The following SFRP4 variants were observed in gnomAD, a reference collection of about 807,000 sequenced individuals.
The protein encoded by SFRP4 is secreted frizzled-related protein 4.
SFRP4 carries 25 observed loss-of-function variants against 36.3 expected under a neutral mutation model. The ratio of observed to expected loss-of-function variants is 0.69; its 90% confidence interval spans 0.50 to 0.96. SFRP4 has a LOEUF of 0.96. SFRP4 is among the 40% of genes least tolerant of loss of function. The probability of loss-of-function intolerance (pLI) is 0.00; values close to 1 mark genes in which losing one functional copy is unlikely to be tolerated. For synonymous variants in SFRP4, 182 were observed against 168.8 expected (o/e 1.08, Z -0.60); for missense variants, 487 against 459.6 (o/e 1.06, Z -0.54).
Position 37,907,597 on chromosome 7 carries a change from G to A in SFRP4, c.923C>T (p.Thr308Ile). Residue 308 changes from threonine (T) to isoleucine (I), a missense_variant, in exon 6 of 6, where the codon ACC becomes ATC. By Grantham distance (89) the Thr-to-Ile change is moderately conservative. Coordinates refer to ENST00000436072, the MANE Select transcript of SFRP4 (RefSeq NM_003014.4). Reference protein sequence around the residue: ...VQDKKKTAGRTSRSNPPKPKG... With the variant: ...VQDKKKTAGRISRSNPPKPKG... ...TGGTTTGGGGGGATTACTACGACTG[G>A]TGCGCCCGGCTGTTTTCTTCTTGTC... 6.2e-7 allele frequency: 1 copy of A among 1,613,762 alleles called. No homozygotes were observed. Among genetic ancestry groups the A allele is most frequent in the Non-Finnish European group, 8.5e-7 (1 of 1,179,838 alleles).
intron 4 of SFRP4, 85 bp from the exon 5 acceptor site, chr7:37,909,765 T>C: frequency 2.6e-6 from 2 of 757,192 alleles, no homozygotes; most frequent in Non-Finnish European, 4.4e-6. Flanking sequence ...AATTATTCAA[T>C]AATCCTTTAC....
Position 37,912,177 on chromosome 7 carries a change from A to G in SFRP4, c.733T>C (p.Cys245Arg), listed in dbSNP as rs745353091. 2 of 1,614,218 alleles carry G rather than the reference A, an allele frequency of 1.2e-6. No homozygotes were observed. Among genetic ancestry groups the G allele is most frequent in the Non-Finnish European group, 8.5e-7 (1 of 1,180,024 alleles). The change falls in exon 4 of 6, where the codon TGT becomes CGT. Residue 245 changes from cysteine to arginine, a missense_variant. Coordinates refer to ENST00000436072, the MANE Select transcript of SFRP4 (RefSeq NM_003014.4). ...TCTTGATGGGGCAGGATGTGTGGAC[A>G]CTGGCAAGAAGAATTTGTAATGAGC... ...VPLITNSSCQ[C>R]PHILPHQDVL...
intron 4 of SFRP4, among the ~76,000 whole-genome samples, chr7:37,910,171 A>C (rs1785461331): frequency 6.6e-6 from 1 of 152,028 alleles, no homozygotes; most frequent in Non-Finnish European, 1.5e-5. Flanking sequence ...AAAGATTTTC[A>C]ATGCATAGTG....
rs1381417670 is a variant in SFRP4 at position 37,907,121 on chromosome 7, T to C, written c.*358A>G. The C allele has an allele frequency of 1.2e-5, 2 of 166,182 alleles. No homozygotes were observed. Among genetic ancestry groups the C allele is most frequent in the Non-Finnish European group, 2.6e-5 (2 of 77,866 alleles). 10.3% of individuals were successfully genotyped at this position (166,182 alleles called of 1,614,324 possible). On this transcript the variant is annotated 3_prime_UTR_variant, in exon 6 of 6. Transcript: ENST00000436072. ...ACTGTAAAAAAATTACGTGTTTTGT[T>C]TGAAATATGGCATTTATTTTACAAT... is the stretch of plus-strand genomic sequence containing the variant.
intron 4 of SFRP4, among the ~76,000 whole-genome samples, chr7:37,911,233 G>A (rs1270007375): frequency 6.6e-6 from 1 of 152,280 alleles, no homozygotes; most frequent in South Asian, 2.1e-4. Flanking sequence ...TGTAAGGAGG[G>A]CACCCAAGTA....
At chr7:37,910,567 G>A (rs1785471923) in intron 4 of SFRP4, among the ~76,000 whole-genome samples, 2 of 151,322 alleles carry the variant, frequency 1.3e-5, no homozygotes, top group South Asian at 4.2e-4. Flanking sequence ...TTACTTTTAT[G>A]TTTACAAATT....
rs1032419220 is a variant in SFRP4 at position 37,914,402 on chromosome 7, A to C, written c.497T>G (p.Leu166Arg). The change falls in exon 2 of 6, where the codon CTT becomes CGT. Residue 166 changes from leucine (L) to arginine (R), a missense_variant. Transcript: ENST00000436072. ...TPDMMVQERP[L>R]DVDCKRLSPD... ...GCTTAGGCGTTTACAGTCAACATCAAGAGGCCTTTCCTGTACCATCATGTC... is the reference window on the plus strand; with the variant it reads ...GCTTAGGCGTTTACAGTCAACATCACGAGGCCTTTCCTGTACCATCATGTC... The C allele has an allele frequency of 6.2e-7, 1 of 1,614,088 alleles. No individual in the cohort carries two copies. Among genetic ancestry groups the C allele is most frequent in the Non-Finnish European group, 8.5e-7 (1 of 1,179,908 alleles).
chr7:37,907,222 G>A lies in SFRP4; in HGVS notation c.*257C>T, dbSNP rs748917620. ...AGTATGCACACAGGTTACTCTGAAT[G>A]CAATGCAATAAGCCTTTTCCACCAG... On this transcript the variant is annotated 3_prime_UTR_variant, in exon 6 of 6. Transcript: ENST00000436072. 1.1e-5 allele frequency: 4 copies of A among 366,040 alleles called. No homozygotes were observed. Among genetic ancestry groups the A allele is most frequent in the Non-Finnish European group, 2.0e-5 (4 of 204,598 alleles). 22.7% of individuals were successfully genotyped at this position (366,040 alleles called of 1,614,324 possible).
chr7:37,907,688 A>G, intron 5 of SFRP4, 24 bp from the exon 6 acceptor site: 1 of 1,571,640 alleles, frequency 6.4e-7, no homozygotes, highest in Non-Finnish European at 8.7e-7. Flanking sequence ...TGTAAACATG[A>G]CTGTCAAATT....
rs1390990336 is a variant in SFRP4 at position 37,916,764 on chromosome 7, C to A, written c.-227G>T. The A allele has an allele frequency of 6.2e-6, 4 of 648,416 alleles. No individual in the cohort carries two copies. Among genetic ancestry groups the A allele is most frequent in the Non-Finnish European group, 1.0e-5 (4 of 384,064 alleles). The allele number at this position is 648,416 out of a possible 1,614,324, so 40.2% of individuals were successfully genotyped here. ...CAGCGCCAGCTCTCAGCCTTCGGGG[C>A]GCGAACCCGCCCGGGCAGCTCCAGT... On this transcript the variant is annotated 5_prime_UTR_variant, in exon 1 of 6. Transcript: ENST00000436072. This position sits in a 1 kb window ranked among gnomAD's most constrained non-coding sequence, Gnocchi z 4.1.
At position 37,916,030 on chromosome 7, in the gene SFRP4, C is replaced by T; in HGVS notation, c.445+63G>A. The stretch of plus-strand genomic sequence containing the variant: ...CAGCCTTAGGTGTGGCCGCCCAGTT[C>T]TCGATTGGCAGCCACAGCCCCGGGC... On this transcript the variant is annotated intron_variant, in intron 1 of 5. Transcript: ENST00000436072. The surrounding 1 kb of genome is among the most constrained non-coding windows in gnomAD (Gnocchi z 4.1). The T allele has an allele frequency of 3.2e-6, 5 of 1,552,790 alleles. No individual in the cohort carries two copies. The highest frequency in any genetic ancestry group is 4.4e-6 in the Non-Finnish European group (5 of 1,147,710).
chr7:37,909,306 C>T (rs893350933), intron 5 of SFRP4, among the ~76,000 whole-genome samples: 2 of 152,044 alleles, frequency 1.3e-5, no homozygotes, highest in African/African-American at 2.4e-5. Context: ...TAAGTCTGCT[C>T]AAGTATCTCA....
In SFRP4 at chr7:37,914,446, C is replaced by T; in HGVS notation, c.453G>A (p.Lys151=). ...AIVTDLPEDV[K]WIDITPDMMV... is the part of the protein sequence containing the mutation. ...TCATGTCTGGTGTGATGTCTATCCA[C>T]TTAACATCTGAAACACAAACAGGGC... The change falls in exon 2 of 6, where the codon AAG becomes AAA. Residue 151 remains lysine, a synonymous_variant. Coordinates refer to ENST00000436072, the MANE Select transcript of SFRP4 (RefSeq NM_003014.4). 1.2e-6 allele frequency: 2 copies of T among 1,613,586 alleles called. No homozygotes were observed. The highest frequency in any genetic ancestry group is 1.7e-6 in the Non-Finnish European group (2 of 1,179,440).
At position 37,916,141 on chromosome 7, in the gene SFRP4, G is replaced by C. The variant is rs1480119945; in HGVS notation, c.397C>G (p.Arg133Gly). The change falls in exon 1 of 6, where the codon CGT (arginine) becomes GGT (glycine). Residue 133 changes from arginine to glycine, a missense_variant. Coordinates refer to ENST00000436072, the MANE Select transcript of SFRP4 (RefSeq NM_003014.4). This position sits in a 1 kb window ranked among gnomAD's most constrained non-coding sequence, Gnocchi z 4.1. ...GCTTCAGGCGAGATGCACACGCCACGGTCATAGACAGGCAGCTCGTCGCAG... is the reference window on the plus strand; with the variant it reads ...GCTTCAGGCGAGATGCACACGCCACCGTCATAGACAGGCAGCTCGTCGCAG... Reference protein sequence around the residue: ...LACDELPVYDRGVCISPEAIV... With the variant: ...LACDELPVYDGGVCISPEAIV... 8 of 1,613,952 alleles carry C rather than the reference G, an allele frequency of 5.0e-6. No homozygotes were observed. Among genetic ancestry groups the C allele is most frequent in the African/African-American group, 1.3e-5 (1 of 74,912 alleles).
intron 5 of SFRP4, among the ~76,000 whole-genome samples, chr7:37,908,016 C>T (rs1489504196): frequency 6.6e-6 from 1 of 152,180 alleles, no homozygotes; most frequent in South Asian, 2.1e-4. Flanking sequence ...GAGGCCCTCA[C>T]CCATGCACTT....
At position 37,916,044 on chromosome 7, in the gene SFRP4, A is replaced by G. The variant is rs1353463376; in HGVS notation, c.445+49T>C. The G allele has an allele frequency of 6.4e-7, 1 of 1,566,094 alleles. No homozygotes were observed. Among genetic ancestry groups the G allele is most frequent in the African/African-American group, 1.4e-5 (1 of 74,062 alleles). ...GCCGCCCAGTTCTCGATTGGCAGCCACAGCCCCGGGCGCCTCCTCGCCTCC... is the reference window on the plus strand; with the variant it reads ...GCCGCCCAGTTCTCGATTGGCAGCCGCAGCCCCGGGCGCCTCCTCGCCTCC... On this transcript the variant is annotated intron_variant, in intron 1 of 5. Coordinates refer to ENST00000436072, the MANE Select transcript of SFRP4 (RefSeq NM_003014.4). The surrounding 1 kb of genome is among the most constrained non-coding windows in gnomAD (Gnocchi z 4.1).
chr7:37,911,773 G>A (rs760721757), intron 4 of SFRP4, among the ~76,000 whole-genome samples: 2 of 152,140 alleles, frequency 1.3e-5, no homozygotes, highest in Non-Finnish European at 2.9e-5. Context: ...AGCTATTAAA[G>A]TGGCCTTAAA....
At position 37,906,558 on chromosome 7, in the gene SFRP4, C is replaced by A. The variant is rs964355201; in HGVS notation, c.*921G>T. ...TAAATGAAGAAAACAAAATTTGGCA[C>A]TCACATGAAGGCCATTTTTAAGCTT... is the stretch of plus-strand genomic sequence containing the variant. On this transcript the variant is annotated 3_prime_UTR_variant, in exon 6 of 6. Transcript: ENST00000436072. The A allele has an allele frequency of 6.6e-6, 1 of 152,174 alleles. No homozygotes were observed. Among genetic ancestry groups the A allele is most frequent in the South Asian group, 2.1e-4 (1 of 4,824 alleles). The allele number at this position is 152,174 out of a possible 1,614,324, so 9.4% of individuals were successfully genotyped here. A position where few individuals can be genotyped will look rare whatever the true frequency, so the allele number is the denominator to read the frequency against.
At chr7:37,913,969 A>T (rs1204642949) in intron 3 of SFRP4, among the ~76,000 whole-genome samples, 2 of 152,202 alleles carry the variant, frequency 1.3e-5, no homozygotes, top group African/African-American at 2.4e-5. Flanking sequence ...TTTCAATCTG[A>T]TGCATGTAAT....
Sources: allele counts gnomAD v4.1 joint callset (sites outside exome capture counted in the v4.1 genomes callset), GRCh38; gene constraint gnomAD v4.1.1; non-coding constraint Gnocchi (gnomAD v3.1); transcripts MANE v1.5; gene names NCBI Gene and HGNC (gene_info 2026-07-23, HGNC 2026-07-21).